MAP2: variants seen among roughly 807,000 people sequenced by gnomAD.
The protein encoded by MAP2 is microtubule associated protein 2.
A neutral mutation model predicts 137.6 loss-of-function variants in MAP2; 14 were observed. The observed-to-expected ratio is 0.10, with a 90% CI of 0.07 to 0.16. MAP2 has a LOEUF of 0.16. MAP2 is among the 10% of genes least tolerant of loss of function. The pLI is 1.00. For missense variants in MAP2, 2,088 were observed against 2,191.5 expected, an observed-to-expected ratio of 0.95 and a Z score of 0.94; for synonymous variants, 786 against 782.3, an observed-to-expected ratio of 1.00 and a Z score of -0.08.
chr2:209,580,912 A>ATATAG (rs2076267312), intron 3 of MAP2, among the ~76,000 whole-genome samples: 1 of 152,200 alleles, frequency 6.6e-6, no homozygotes, highest in Non-Finnish European at 1.5e-5. Context: ...TTTGCCTTTA[A>ATATAG]AAAATGGAAG....
At position 209,501,009 on chromosome 2, in the gene MAP2, G is replaced by A. The variant is rs548821183; in HGVS notation, c.-221-6583G>A. Reference sequence around the variant, plus strand: ...GCCATGATCATTCCAATGCACTCCAGCCGGGACAATAGAGTGAGACCCTGT... The same window carrying A: ...GCCATGATCATTCCAATGCACTCCAACCGGGACAATAGAGTGAGACCCTGT... On this transcript the variant is annotated intron_variant, in intron 1 of 15. Coordinates refer to ENST00000682079, the MANE Select transcript of MAP2 (RefSeq NM_001375505.1). Among the ~76,000 whole-genome samples, 3 of 140,554 alleles carry A rather than the reference G, an allele frequency of 2.1e-5. No homozygotes were observed. The South Asian group carries it at 7.1e-4, about 33-fold the overall frequency. 92.2% of individuals were successfully genotyped at this position (140,554 alleles called of 152,430 possible).
At chr2:209,670,695 G>A (rs3768827) in intron 5 of MAP2, among the ~76,000 whole-genome samples, 29,837 of 151,714 alleles carry the variant, frequency 0.2, 4,320 homozygotes, top group African/African-American at 0.41. Context: ...AAGAGAGGGA[G>A]AATTCTCCTA....
intron 1 of MAP2, among the ~76,000 whole-genome samples, chr2:209,473,245 T>C (rs1413382968): frequency 6.6e-6 from 1 of 152,156 alleles, no homozygotes; most frequent in Non-Finnish European, 1.5e-5. Flanking sequence ...GTCAGGTTAT[T>C]GGTGGCAAAT....
At chr2:209,729,997 T>TAA (rs201238994) in intron 15 of MAP2, 35 bp downstream of exon 15, 61,174 of 1,440,686 alleles carry the variant, frequency 0.042, 2,386 homozygotes, top group East Asian at 0.22. Context: ...TCTTGTCTTT[T>TAA]TAAAAAAAAT....
chr2:209,496,318 A>G (rs2059750902), intron 1 of MAP2, among the ~76,000 whole-genome samples: 1 of 152,160 alleles, frequency 6.6e-6, no homozygotes, highest in African/African-American at 2.4e-5. Context: ...CATTAAGAAC[A>G]ATATGGGCTT....
At chr2:209,662,812 T>C (rs1348911662) in intron 5 of MAP2, among the ~76,000 whole-genome samples, 1 of 152,022 alleles carries the variant, frequency 6.6e-6, no homozygotes, top group African/African-American at 2.4e-5. Flanking sequence ...TCCTTTGTTA[T>C]ATTTCGGAGT....
intron 13 of MAP2, among the ~76,000 whole-genome samples, chr2:209,717,664 A>G (rs1397695814): frequency 6.6e-6 from 1 of 152,190 alleles, no homozygotes; most frequent in Non-Finnish European, 1.5e-5. Flanking sequence ...CATATTTATA[A>G]CATATAAGAT....
At chr2:209,656,240 G>A (rs965439772) in intron 5 of MAP2, among the ~76,000 whole-genome samples, 2 of 152,160 alleles carry the variant, frequency 1.3e-5, no homozygotes, top group African/African-American at 2.4e-5. Flanking sequence ...AATTGGCTGG[G>A]TGCAGTGGCT....
chr2:209,575,247 T>A (rs288073), intron 2 of MAP2, among the ~76,000 whole-genome samples: 1 of 151,758 alleles, frequency 6.6e-6, no homozygotes, highest in Non-Finnish European at 1.5e-5. Flanking sequence ...GAAGGCCGGG[T>A]GCGCTGGCTC....
At chr2:209,663,789 A>G (rs955592060) in intron 5 of MAP2, among the ~76,000 whole-genome samples, 5 of 152,362 alleles carry the variant, frequency 3.3e-5, no homozygotes, top group South Asian at 2.1e-4. Context: ...CTTGCAAAGC[A>G]TCTCCAGCAT....
intron 1 of MAP2, among the ~76,000 whole-genome samples, chr2:209,456,322 T>A (rs1257344971): frequency 6.6e-6 from 1 of 152,196 alleles, no homozygotes; most frequent in Non-Finnish European, 1.5e-5. Flanking sequence ...GATGTCACTG[T>A]TCTAAACCTT....
At chr2:209,593,838 ATTATAATATATATTAT>A (rs2080348346) in intron 3 of MAP2, among the ~76,000 whole-genome samples, 1 of 104,572 alleles carries the variant, frequency 9.6e-6, no homozygotes, top group South Asian at 2.6e-4. Flanking sequence ...TTTATATTAT[ATTATAATATATATTAT>A]AAAATATATA....
At chr2:209,475,720 G>T (rs1707033703) in intron 1 of MAP2, among the ~76,000 whole-genome samples, 1 of 152,050 alleles carries the variant, frequency 6.6e-6, no homozygotes, top group South Asian at 2.1e-4. Flanking sequence ...ATCAATCTTT[G>T]TATCTATGTA....
chr2:209,426,252 G>A (rs1010270309), intron 1 of MAP2, among the ~76,000 whole-genome samples: 29 of 152,006 alleles, frequency 1.9e-4, no homozygotes, highest in African/African-American at 6.8e-4. Flanking sequence ...AAAACCATAA[G>A]TAGAAAATTG....
intron 2 of MAP2, among the ~76,000 whole-genome samples, chr2:209,517,940 G>A (rs188407738): frequency 6.6e-6 from 1 of 152,004 alleles, no homozygotes; most frequent in East Asian, 1.9e-4. Flanking sequence ...TCCAGCCTTT[G>A]GGAAACCAGA....
At chr2:209,610,371 T>C (rs1559404379) in intron 3 of MAP2, among the ~76,000 whole-genome samples, 1 of 152,016 alleles carries the variant, frequency 6.6e-6, no homozygotes, top group Non-Finnish European at 1.5e-5. Context: ...ACTCATTTTC[T>C]GAGGAGTATT....
At chr2:209,435,838 T>C (rs1035247771) in intron 1 of MAP2, among the ~76,000 whole-genome samples, 1 of 149,224 alleles carries the variant, frequency 6.7e-6, no homozygotes, top group African/African-American at 2.5e-5. Flanking sequence ...TGGAGATGGG[T>C]GAGAGTTAGA....
chr2:209,716,899 T>A (rs2067888444), intron 13 of MAP2, among the ~76,000 whole-genome samples: 1 of 152,148 alleles, frequency 6.6e-6, no homozygotes, highest in Non-Finnish European at 1.5e-5. Flanking sequence ...CAAAAAACAT[T>A]CATTTAGGTA....
At chr2:209,529,075 G>T (rs562960725) in intron 2 of MAP2, among the ~76,000 whole-genome samples, 2 of 151,998 alleles carry the variant, frequency 1.3e-5, no homozygotes, top group Admixed American at 1.3e-4. Context: ...GAATAAGGAG[G>T]TGCTATTTGT....
Sources: allele counts gnomAD v4.1 joint callset (sites outside exome capture counted in the v4.1 genomes callset), GRCh38; gene constraint gnomAD v4.1.1; transcripts MANE v1.5; gene names NCBI Gene and HGNC (gene_info 2026-07-23, HGNC 2026-07-21).